Variants in FNIP1 observed in about 807,000 individuals in gnomAD.
FNIP1 encodes the protein folliculin interacting protein 1.
FNIP1 carries 40 observed loss-of-function variants against 124.5 expected under a neutral mutation model. The observed-to-expected ratio is 0.32, with a 90% CI of 0.25 to 0.42. The LOEUF is 0.42. Ranked by LOEUF, FNIP1 falls within the 10% of genes least tolerant of loss-of-function variation. FNIP1 has a pLI of 1.00. For synonymous variants in FNIP1, 472 were observed against 470.6 expected, an observed-to-expected ratio of 1.00 and a Z score of -0.04; for missense variants, 1,176 against 1,403.7, an observed-to-expected ratio of 0.84 and a Z score of 2.59.
intron 1 of FNIP1, 58 bp downstream of exon 1, chr5:131,796,772 T>C: frequency 1.3e-6 from 2 of 1,496,930 alleles, no homozygotes; most frequent in Non-Finnish European, 1.8e-6. Context: ...CCAACACCCC[T>C]GGAGCCCGGA....
At chr5:131,693,333 C>CATACATATAT (rs1768563853) in intron 11 of FNIP1, among the ~76,000 whole-genome samples, 33 of 50,152 alleles carry the variant, frequency 6.6e-4, no homozygotes, top group Admixed American at 1.7e-3. Flanking sequence ...TATATATATA[C>CATACATATAT]ATATATATAT....
chr5:131,773,072 C>T (rs576869642), intron 1 of FNIP1, among the ~76,000 whole-genome samples: 1 of 152,232 alleles, frequency 6.6e-6, no homozygotes, highest in South Asian at 2.1e-4. Context: ...TGATGCTATT[C>T]CTATGAGCAT....
At chr5:131,742,279 C>T (rs1770537296) in intron 2 of FNIP1, among the ~76,000 whole-genome samples, 1 of 152,290 alleles carries the variant, frequency 6.6e-6, no homozygotes, top group East Asian at 1.9e-4. Context: ...GTCTGGCCAA[C>T]AAGGCGAAAC....
chr5:131,670,185 T>C (rs939107171), intron 15 of FNIP1, among the ~76,000 whole-genome samples: 3 of 152,222 alleles, frequency 2.0e-5, no homozygotes, highest in Non-Finnish European at 4.4e-5. Context: ...ACTTAAGCAC[T>C]TGCAAATTTT....
intron 2 of FNIP1, among the ~76,000 whole-genome samples, chr5:131,733,810 C>A (rs1174369115): frequency 6.6e-6 from 1 of 152,056 alleles, no homozygotes; most frequent in Non-Finnish European, 1.5e-5. Flanking sequence ...TGTGTCTCTG[C>A]CAGGCTTTGG....
intron 15 of FNIP1, among the ~76,000 whole-genome samples, chr5:131,669,965 A>C (rs1018277682): frequency 2.6e-5 from 4 of 151,890 alleles, no homozygotes; most frequent in African/African-American, 9.7e-5. Flanking sequence ...AGGCATCCAG[A>C]TTGTTAAGAA....
intron 1 of FNIP1, 52 bp downstream of exon 1, chr5:131,796,778 C>G: frequency 6.6e-7 from 1 of 1,513,768 alleles, no homozygotes; most frequent in Non-Finnish European, 9.0e-7. Context: ...CCCCTGGAGC[C>G]CGGAGCCCAC....
At chr5:131,700,009 A>AGAGTC (rs1768844881) in intron 10 of FNIP1, among the ~76,000 whole-genome samples, 1 of 149,998 alleles carries the variant, frequency 6.7e-6, no homozygotes, top group African/African-American at 2.4e-5. Context: ...TTTTTAAGAC[A>AGAGTC]GAGTCCTGCT....
At chr5:131,767,102 C>A (rs1223363277) in intron 1 of FNIP1, among the ~76,000 whole-genome samples, 1 of 152,130 alleles carries the variant, frequency 6.6e-6, no homozygotes, top group Non-Finnish European at 1.5e-5. Flanking sequence ...AACTCTACTG[C>A]ACTCCACTTG....
intron 15 of FNIP1, among the ~76,000 whole-genome samples, chr5:131,662,028 T>G (rs969500922): frequency 4.6e-5 from 7 of 152,180 alleles, no homozygotes; most frequent in African/African-American, 1.7e-4. Flanking sequence ...TGTGACCATG[T>G]GGGGATACTC....
chr5:131,683,632 T>C (rs1383630678), intron 11 of FNIP1, among the ~76,000 whole-genome samples: 1 of 152,102 alleles, frequency 6.6e-6, no homozygotes, highest in East Asian at 1.9e-4. Flanking sequence ...ATAATTGTTA[T>C]ACCGCATTGG....
intron 11 of FNIP1, among the ~76,000 whole-genome samples, chr5:131,689,051 C>T (rs1321330726): frequency 6.6e-6 from 1 of 150,612 alleles, no homozygotes; most frequent in Non-Finnish European, 1.5e-5. Context: ...ACTGAAACTG[C>T]AGAAAACCAA....
chr5:131,730,808 T>C lies in FNIP1; in HGVS notation c.354+96A>G, dbSNP rs75957246. On this transcript the variant is annotated intron_variant, in intron 3 of 17. Coordinates refer to ENST00000510461, the MANE Select transcript of FNIP1 (RefSeq NM_133372.3). ...AGCTTCAATGCAAGCTCTAGGAAGATAAGGACTAATTGCTATTATATCTCC... is the reference window on the plus strand; with the variant it reads ...AGCTTCAATGCAAGCTCTAGGAAGACAAGGACTAATTGCTATTATATCTCC... 3.4e-4 allele frequency: 312 copies of C among 928,944 alleles called. 2 individuals carry two copies. The East Asian group carries it at 7.6e-3, about 22-fold the overall frequency. The allele number at this position is 928,944 out of a possible 1,614,324, so 57.5% of individuals were successfully genotyped here.
At chr5:131,794,541 TA>T (rs1341305646) in intron 1 of FNIP1, among the ~76,000 whole-genome samples, 1 of 152,188 alleles carries the variant, frequency 6.6e-6, no homozygotes, top group Non-Finnish European at 1.5e-5. Flanking sequence ...GCATTATTCA[TA>T]ATAGCCCAAA....
chr5:131,752,205 G>A (rs541164085), intron 1 of FNIP1, among the ~76,000 whole-genome samples: 3 of 151,970 alleles, frequency 2.0e-5, no homozygotes, highest in South Asian at 4.2e-4. Flanking sequence ...CACCACGTCC[G>A]GCTAATTTTT....
intron 1 of FNIP1, among the ~76,000 whole-genome samples, chr5:131,746,776 T>C (rs1340527616): frequency 6.6e-6 from 1 of 152,162 alleles, no homozygotes; most frequent in Non-Finnish European, 1.5e-5. Context: ...CTTTGTTTTC[T>C]TTTGGATATA....
At chr5:131,715,223 C>T (rs1769428051) in intron 6 of FNIP1, among the ~76,000 whole-genome samples, 1 of 152,166 alleles carries the variant, frequency 6.6e-6, no homozygotes, top group African/African-American at 2.4e-5. Flanking sequence ...CGGTGGCTCA[C>T]ACCTGTAATC....
At chr5:131,715,021 A>C (rs952257750) in intron 6 of FNIP1, among the ~76,000 whole-genome samples, 12 of 152,214 alleles carry the variant, frequency 7.9e-5, no homozygotes, top group Non-Finnish European at 1.3e-4. Context: ...CACACACACA[A>C]AAAATCCTTG....
intron 1 of FNIP1, among the ~76,000 whole-genome samples, chr5:131,746,884 A>G (rs919790800): frequency 2.6e-5 from 4 of 152,196 alleles, no homozygotes; most frequent in African/African-American, 9.7e-5. Context: ...ACTACTTTAC[A>G]TTCCCATCAA....
Sources: allele counts gnomAD v4.1 joint callset (sites outside exome capture counted in the v4.1 genomes callset), GRCh38; gene constraint gnomAD v4.1.1; transcripts MANE v1.5; gene names NCBI Gene and HGNC (gene_info 2026-07-23, HGNC 2026-07-21).